Variants in RBFOX1 observed in about 807,000 individuals in gnomAD.
RBFOX1 encodes RNA binding fox-1 homolog 1, also known as RNA binding protein fox-1 homolog 1.
In RBFOX1, 8 loss-of-function variants were observed where a neutral mutation model predicts 57.7. The ratio of observed to expected loss-of-function variants is 0.14; its 90% confidence interval spans 0.08 to 0.25. RBFOX1 has a LOEUF of 0.25. Ranked by LOEUF, RBFOX1 falls within the 10% of genes least tolerant of loss-of-function variation. The probability of loss-of-function intolerance (pLI) is 1.00; values close to 1 mark genes in which losing one functional copy is unlikely to be tolerated. For synonymous variants in RBFOX1, 326 were observed against 222.4 expected (o/e 1.47, Z -4.15); for missense variants, 611 against 548.5 (o/e 1.11, Z -1.14).
intron 4 of RBFOX1, among the ~76,000 whole-genome samples, chr16:7,434,503 TAAA>T (rs889011149): frequency 6.6e-6 from 1 of 150,684 alleles, no homozygotes; most frequent in Non-Finnish European, 1.5e-5. Context: ...AAAATAAAAA[TAAA>T]AAAAATCATC....
intron 2 of RBFOX1, among the ~76,000 whole-genome samples, chr16:6,382,259 T>G (rs1208511969): frequency 6.6e-6 from 1 of 152,248 alleles, no homozygotes; most frequent in African/African-American, 2.4e-5. Context: ...GCCTGCGGTC[T>G]GAAAGCATAG....
intron 4 of RBFOX1, among the ~76,000 whole-genome samples, chr16:7,390,540 A>G (rs1277462387): frequency 2.0e-5 from 3 of 152,190 alleles, no homozygotes; most frequent in Non-Finnish European, 2.9e-5. Flanking sequence ...TGAATGAGAA[A>G]ATGCACCTAA....
intron 4 of RBFOX1, among the ~76,000 whole-genome samples, chr16:5,919,387 G>C (rs1434823046): frequency 6.6e-6 from 1 of 151,948 alleles, no homozygotes; most frequent in African/African-American, 2.4e-5. Flanking sequence ...TTGTTTCCTA[G>C]GCTGGAGTGC....
chr16:5,469,645 A>G (rs1022202202), intron 2 of RBFOX1, among the ~76,000 whole-genome samples: 7 of 151,920 alleles, frequency 4.6e-5, no homozygotes, highest in Non-Finnish European at 1.0e-4. Flanking sequence ...AGACCCTGCG[A>G]CCATTAAGCA....
intron 1 of RBFOX1, among the ~76,000 whole-genome samples, chr16:6,070,156 T>A (rs2095818190): frequency 6.6e-6 from 1 of 152,256 alleles, no homozygotes; most frequent in Non-Finnish European, 1.5e-5. Flanking sequence ...ATGAGAACTT[T>A]GTACAACTAA....
intron 2 of RBFOX1, among the ~76,000 whole-genome samples, chr16:5,569,848 T>C (rs1012513310): frequency 6.6e-5 from 10 of 152,256 alleles, no homozygotes; most frequent in African/African-American, 1.9e-4. Context: ...CCTCTTTGGA[T>C]AGTTTAGGGT....
chr16:7,310,266 C>T (rs527976364), intron 4 of RBFOX1, among the ~76,000 whole-genome samples: 11 of 152,250 alleles, frequency 7.2e-5, no homozygotes, highest in Admixed American at 2.6e-4. Context: ...GCCTGGCATA[C>T]GATGAGGAAA....
At chr16:6,123,413 A>G (rs2096566181) in intron 1 of RBFOX1, among the ~76,000 whole-genome samples, 1 of 152,222 alleles carries the variant, frequency 6.6e-6, no homozygotes, top group Non-Finnish European at 1.5e-5. Context: ...TAAAGGGACA[A>G]ATACTATATG....
At chr16:7,403,170 T>A (rs952487077) in intron 4 of RBFOX1, among the ~76,000 whole-genome samples, 1 of 152,206 alleles carries the variant, frequency 6.6e-6, no homozygotes, top group African/African-American at 2.4e-5. Flanking sequence ...TATGTATACA[T>A]TATGCAGTGA....
chr16:6,060,161 G>A (rs1327664087), intron 1 of RBFOX1, among the ~76,000 whole-genome samples: 26 of 72,836 alleles, frequency 3.6e-4, no homozygotes, highest in Admixed American at 2.2e-3. Flanking sequence ...TTTTTTTTAC[G>A]TATAACAAGA....
At chr16:5,917,195 G>A (rs767443406) in intron 4 of RBFOX1, among the ~76,000 whole-genome samples, 9 of 152,058 alleles carry the variant, frequency 5.9e-5, no homozygotes, top group Non-Finnish European at 1.0e-4. Context: ...CACTCCCAGC[G>A]CCCGTGCTTT....
intron 3 of RBFOX1, among the ~76,000 whole-genome samples, chr16:5,834,724 TACATA>T (rs2151834344): frequency 1.5e-5 from 2 of 132,924 alleles, no homozygotes; most frequent in African/African-American, 6.5e-5. Flanking sequence ...GATACATAGA[TACATA>T]GATACATACA....
intron 1 of RBFOX1, among the ~76,000 whole-genome samples, chr16:5,249,874 G>A (rs574946995): frequency 2.6e-5 from 4 of 152,272 alleles, no homozygotes; most frequent in South Asian, 2.1e-4. Context: ...CAAGAGAATC[G>A]CTTGAACCCA....
chr16:6,841,181 C>T (rs1267554265), intron 3 of RBFOX1, among the ~76,000 whole-genome samples: 1 of 151,950 alleles, frequency 6.6e-6, no homozygotes, highest in Non-Finnish European at 1.5e-5. Context: ...CCTGAACAGA[C>T]TAAGACAATG....
intron 1 of RBFOX1, among the ~76,000 whole-genome samples, chr16:6,208,527 C>T (rs1466025867): frequency 6.6e-6 from 1 of 152,170 alleles, no homozygotes; most frequent in African/African-American, 2.4e-5. Flanking sequence ...CATCTGGGAA[C>T]AGGGACTCTT....
intron 3 of RBFOX1, among the ~76,000 whole-genome samples, chr16:6,729,558 C>G (rs956872110): frequency 1.3e-5 from 2 of 152,148 alleles, no homozygotes; most frequent in African/African-American, 4.8e-5. Flanking sequence ...AAGCCTAATA[C>G]TTCTGTCTCT....
intron 3 of RBFOX1, among the ~76,000 whole-genome samples, chr16:6,837,910 C>T (rs1319499681): frequency 6.6e-6 from 1 of 151,982 alleles, no homozygotes; most frequent in Non-Finnish European, 1.5e-5. Flanking sequence ...TGACAGTTTA[C>T]TGTCACCATG....
At chr16:6,721,404 C>G (rs1290392237) in intron 3 of RBFOX1, among the ~76,000 whole-genome samples, 2 of 152,210 alleles carry the variant, frequency 1.3e-5, no homozygotes, top group Non-Finnish European at 2.9e-5. Flanking sequence ...GATCATGCCA[C>G]TGCACTCCAG....
At chr16:5,993,904 C>G (rs1018954489) in intron 4 of RBFOX1, among the ~76,000 whole-genome samples, 1 of 152,018 alleles carries the variant, frequency 6.6e-6, no homozygotes, top group Non-Finnish European at 1.5e-5. Context: ...TGAAGCAGGT[C>G]CCGCTGGGTG....
Sources: allele counts gnomAD v4.1 joint callset (sites outside exome capture counted in the v4.1 genomes callset), GRCh38; gene constraint gnomAD v4.1.1; transcripts MANE v1.5; gene names NCBI Gene and HGNC (gene_info 2026-07-23, HGNC 2026-07-21).